MAML2: variants seen among roughly 807,000 people sequenced by gnomAD.
The protein encoded by MAML2 is mastermind like transcriptional coactivator 2.
A neutral mutation model predicts 96.1 loss-of-function variants in MAML2; 22 were observed. That is an observed-to-expected ratio of 0.23 (90% confidence interval 0.16 to 0.33). MAML2 has a LOEUF of 0.33. MAML2 is among the 10% of genes least tolerant of loss of function. The pLI, the probability that MAML2 is intolerant of heterozygous loss-of-function variation, is 1.00. For synonymous variants in MAML2, 561 were observed against 521.3 expected, an observed-to-expected ratio of 1.08 and a Z score of -1.04; for missense variants, 1,367 against 1,392.4, an observed-to-expected ratio of 0.98 and a Z score of 0.29.
At chr11:96,035,857 TC>T (rs1858703048) in intron 2 of MAML2, among the ~76,000 whole-genome samples, 1 of 151,962 alleles carries the variant, frequency 6.6e-6, no homozygotes, top group South Asian at 2.1e-4. Flanking sequence ...TCCATTCGAG[TC>T]CTAGCTCCAT....
At chr11:96,231,145 A>C (rs932780555) in intron 1 of MAML2, among the ~76,000 whole-genome samples, 6 of 152,218 alleles carry the variant, frequency 3.9e-5, no homozygotes, top group African/African-American at 1.4e-4. Flanking sequence ...GGTTTTAATA[A>C]ATATATTTCT....
At chr11:96,212,085 T>A (rs897534638) in intron 1 of MAML2, among the ~76,000 whole-genome samples, 2 of 150,626 alleles carry the variant, frequency 1.3e-5, no homozygotes, top group African/African-American at 4.9e-5. Flanking sequence ...GCTTGATTAA[T>A]TTAGGCTATA....
At chr11:96,177,706 A>C (rs1216875836) in intron 1 of MAML2, among the ~76,000 whole-genome samples, 1 of 152,170 alleles carries the variant, frequency 6.6e-6, no homozygotes, top group East Asian at 1.9e-4. Flanking sequence ...ATTTGTCCTG[A>C]AATTATTAGC....
chr11:96,062,529 G>A (rs1033973580), intron 2 of MAML2, among the ~76,000 whole-genome samples: 51 of 152,220 alleles, frequency 3.4e-4, no homozygotes, highest in African/African-American at 1.2e-3. Context: ...TACAATAAGG[G>A]TGGCAGAGTT....
intron 2 of MAML2, among the ~76,000 whole-genome samples, chr11:96,009,894 T>A (rs950838338): frequency 6.6e-6 from 1 of 152,212 alleles, no homozygotes; most frequent in African/African-American, 2.4e-5. Context: ...GGTCATGTAT[T>A]CCTTAATATA....
chr11:96,319,894 T>C (rs1035514547), intron 1 of MAML2, among the ~76,000 whole-genome samples: 4 of 152,252 alleles, frequency 2.6e-5, no homozygotes, highest in African/African-American at 9.6e-5. Context: ...CCAATGAGCA[T>C]ACCACAGTCC....
intron 1 of MAML2, among the ~76,000 whole-genome samples, chr11:96,299,040 A>C (rs1233930562): frequency 1.3e-5 from 1 of 79,426 alleles, no homozygotes; most frequent in Non-Finnish European, 2.4e-5. Flanking sequence ...GCGAGAGTCC[A>C]TCTCAAAAAA....
At chr11:96,118,261 G>C (rs1004311898) in intron 1 of MAML2, among the ~76,000 whole-genome samples, 6 of 152,126 alleles carry the variant, frequency 3.9e-5, no homozygotes, top group African/African-American at 1.4e-4. Context: ...TATACGGTTT[G>C]GCTCTGTGTC....
chr11:96,199,143 G>A (rs937995832), intron 1 of MAML2, among the ~76,000 whole-genome samples: 9 of 145,880 alleles, frequency 6.2e-5, no homozygotes, highest in African/African-American at 2.3e-4. Context: ...TTTGCAGTGG[G>A]CCAAAATGGC....
intron 1 of MAML2, among the ~76,000 whole-genome samples, chr11:96,247,751 C>A (rs1027328882): frequency 6.6e-6 from 1 of 152,066 alleles, no homozygotes; most frequent in Non-Finnish European, 1.5e-5. Context: ...TACTTCACAC[C>A]TTTTCCTCTC....
chr11:96,019,695 A>ATAG, intron 2 of MAML2, among the ~76,000 whole-genome samples: 1 of 147,974 alleles, frequency 6.8e-6, no homozygotes. Context: ...TATAATAATA[A>ATAG]TAATAATAAT....
intron 1 of MAML2, among the ~76,000 whole-genome samples, chr11:96,151,392 T>G (rs1249003965): frequency 1.3e-5 from 2 of 152,226 alleles, no homozygotes; most frequent in South Asian, 4.1e-4. Context: ...TGAGTTATAT[T>G]TCTTGACAGC....
chr11:96,042,643 C>T (rs531972617), intron 2 of MAML2, among the ~76,000 whole-genome samples: 25 of 152,228 alleles, frequency 1.6e-4, no homozygotes, highest in African/African-American at 5.8e-4. Context: ...AGGCCTGTTC[C>T]CCATGAAGCC....
chr11:96,266,951 T>C (rs369721911), intron 1 of MAML2, among the ~76,000 whole-genome samples: 8 of 152,222 alleles, frequency 5.3e-5, no homozygotes, highest in African/African-American at 1.9e-4. Flanking sequence ...AAATCTCCCA[T>C]TGAGCAAATC....
chr11:96,268,761 C>CTAAAATTGCTGGAGT (rs1491459857), intron 1 of MAML2, among the ~76,000 whole-genome samples: 29 of 146,056 alleles, frequency 2.0e-4, no homozygotes, highest in African/African-American at 3.9e-4. Flanking sequence ...AAGGGGAGTT[C>CTAAAATTGCTGGAGT]CCCTGCACAC....
At chr11:96,337,304 C>T (rs1157086948) in intron 1 of MAML2, among the ~76,000 whole-genome samples, 2 of 152,200 alleles carry the variant, frequency 1.3e-5, no homozygotes, top group East Asian at 1.9e-4. Flanking sequence ...CTCCCACTTA[C>T]AGCTCTCAAC....
chr11:95,992,211 A>G (rs1444943750), intron 2 of MAML2, among the ~76,000 whole-genome samples: 1 of 152,220 alleles, frequency 6.6e-6, no homozygotes. Flanking sequence ...TGTGACAGAA[A>G]GGCAGGAAGG....
At chr11:96,308,831 C>T (rs1863500643) in intron 1 of MAML2, among the ~76,000 whole-genome samples, 1 of 152,166 alleles carries the variant, frequency 6.6e-6, no homozygotes, top group Admixed American at 6.5e-5. Flanking sequence ...ATGTAGCTAA[C>T]CTCATGTCTT....
chr11:96,049,326 G>C, intron 2 of MAML2, among the ~76,000 whole-genome samples: 1 of 152,112 alleles, frequency 6.6e-6, no homozygotes, highest in East Asian at 1.9e-4. Flanking sequence ...ATAAAATGAA[G>C]ATTTCCCTTT....
Sources: gnomAD v4.1 joint callset for allele counts (sites outside exome capture counted in the v4.1 genomes callset) on GRCh38, gnomAD v4.1.1 for gene constraint, MANE v1.5 for transcripts, NCBI Gene and HGNC (gene_info 2026-07-23, HGNC 2026-07-21) for gene names.